NOL4: variants seen among roughly 807,000 people sequenced by gnomAD.
NOL4 encodes cancer/testis antigen 125.
A neutral mutation model predicts 75.9 loss-of-function variants in NOL4; 17 were observed. The ratio of observed to expected loss-of-function variants is 0.22; its 90% CI spans 0.15 to 0.34. The LOEUF (loss-of-function observed/expected upper bound fraction) is 0.34, where lower values mean the gene tolerates loss of function less well. Among genes scored for constraint, NOL4 ranks in the 10% least tolerant of loss-of-function variants. The pLI, the probability that NOL4 is intolerant of heterozygous loss-of-function variation, is 1.00. For synonymous variants in NOL4, 292 were observed against 289.9 expected, an observed-to-expected ratio of 1.01 and a Z score of -0.07; for missense variants, 614 against 793.5, an observed-to-expected ratio of 0.77 and a Z score of 2.72.
intron 5 of NOL4, among the ~76,000 whole-genome samples, chr18:34,084,203 G>A (rs959988051): frequency 1.1e-4 from 16 of 152,134 alleles, no homozygotes; most frequent in Admixed American, 8.5e-4. Context: ...TGGAGCGGGT[G>A]TGCTGGGCTG....
intron 6 of NOL4, among the ~76,000 whole-genome samples, chr18:33,970,951 A>G (rs1170209024): frequency 6.6e-6 from 1 of 152,120 alleles, no homozygotes; most frequent in Admixed American, 6.5e-5. Flanking sequence ...ATTCAGATAA[A>G]GTCTTTTGTG....
At chr18:33,996,054 T>A (rs553878674) in intron 6 of NOL4, among the ~76,000 whole-genome samples, 2 of 151,398 alleles carry the variant, frequency 1.3e-5, no homozygotes, top group East Asian at 1.9e-4. Context: ...CTTCAGCTAA[T>A]ATCATACTTA....
chr18:34,128,276 G>A (rs1600676853), intron 2 of NOL4, among the ~76,000 whole-genome samples: 3 of 151,912 alleles, frequency 2.0e-5, no homozygotes, highest in Admixed American at 1.3e-4. Context: ...TATTGACAAC[G>A]AAACCACTTG....
At chr18:33,897,399 G>A (rs920983813) in intron 9 of NOL4, among the ~76,000 whole-genome samples, 1 of 152,162 alleles carries the variant, frequency 6.6e-6, no homozygotes, top group African/African-American at 2.4e-5. Context: ...TTAAGAAAAT[G>A]TGGTATATAT....
chr18:34,082,837 C>G (rs906335729), intron 5 of NOL4, among the ~76,000 whole-genome samples: 1 of 152,164 alleles, frequency 6.6e-6, no homozygotes, highest in African/African-American at 2.4e-5. Context: ...AACATTGTTA[C>G]ACCATAACAA....
At chr18:33,991,207 C>T (rs937986592) in intron 6 of NOL4, among the ~76,000 whole-genome samples, 3 of 152,030 alleles carry the variant, frequency 2.0e-5, no homozygotes, top group Non-Finnish European at 4.4e-5. Flanking sequence ...CATCTGTTCT[C>T]TATCAGTCTG....
intron 10 of NOL4, among the ~76,000 whole-genome samples, chr18:33,873,999 T>G (rs1055357371): frequency 6.6e-6 from 1 of 151,898 alleles, no homozygotes; most frequent in Non-Finnish European, 1.5e-5. Flanking sequence ...GGTAATAGTA[T>G]GCACGGGGAT....
rs1212241178 is a variant in NOL4 at position 34,221,958 on chromosome 18, G to A, written c.264+1032C>T. On this transcript the variant is annotated intron_variant, in intron 1 of 10. Coordinates refer to ENST00000261592, the MANE Select transcript of NOL4 (RefSeq NM_003787.5). ...AGAAATGCTCAAGAAACCCCAAAGC[G>A]AGGCAAAAATACAAAGGATGCCAGA... The A allele has an allele frequency of 6.4e-6, 9 of 1,402,334 alleles. No homozygotes were observed. In the East Asian group the frequency reaches 1.3e-4, roughly 20 times the overall value. The allele number at this position is 1,402,334 out of a possible 1,614,324, so 86.9% of individuals were successfully genotyped here.
chr18:34,115,902 A>T (rs1600644375), intron 2 of NOL4, among the ~76,000 whole-genome samples: 1 of 152,026 alleles, frequency 6.6e-6, no homozygotes, highest in Admixed American at 6.6e-5. Context: ...GGAGTGGGGG[A>T]ATTTGGCACA....
intron 1 of NOL4, among the ~76,000 whole-genome samples, chr18:34,187,430 T>G (rs1281779098): frequency 7.0e-6 from 1 of 142,338 alleles, no homozygotes; most frequent in African/African-American, 2.8e-5. Flanking sequence ...CAGGCTGGAG[T>G]GCAGTGGCGC....
chr18:34,099,362 C>CCAAAAAAAAAAAAAAAAAAAAA (rs2078935414), intron 4 of NOL4, among the ~76,000 whole-genome samples: 1 of 80,092 alleles, frequency 1.2e-5, no homozygotes, highest in Non-Finnish European at 2.4e-5. Context: ...GACTTTGTCT[C>CCAAAAAAAAAAAAAAAAAAAAA]AAAAAAAAAA....
intron 1 of NOL4, among the ~76,000 whole-genome samples, chr18:34,182,151 A>T (rs1018164912): frequency 2.6e-5 from 4 of 151,688 alleles, no homozygotes; most frequent in African/African-American, 9.7e-5. Flanking sequence ...AAAAATGGAA[A>T]CAACTCAAAC....
At chr18:34,095,754 G>C (rs1273203210) in intron 4 of NOL4, among the ~76,000 whole-genome samples, 2 of 151,970 alleles carry the variant, frequency 1.3e-5, no homozygotes, top group Admixed American at 6.6e-5. Context: ...ATTTATTACA[G>C]TATATGAACA....
At chr18:34,113,211 C>T (rs920222826) in intron 2 of NOL4, among the ~76,000 whole-genome samples, 1 of 152,138 alleles carries the variant, frequency 6.6e-6, no homozygotes, top group Non-Finnish European at 1.5e-5. Flanking sequence ...AACTCCTAGC[C>T]TCCAGCAATC....
At chr18:34,019,032 A>G (rs1355651980) in intron 6 of NOL4, among the ~76,000 whole-genome samples, 1 of 152,134 alleles carries the variant, frequency 6.6e-6, no homozygotes, top group Non-Finnish European at 1.5e-5. Flanking sequence ...ACAAATTCCC[A>G]GAGAGATTCA....
At chr18:34,219,706 A>G (rs776293955) in intron 1 of NOL4, among the ~76,000 whole-genome samples, 3 of 152,238 alleles carry the variant, frequency 2.0e-5, no homozygotes, top group Non-Finnish European at 1.5e-5. Flanking sequence ...ATTCTTCTAA[A>G]TTTCTGACAC....
chr18:34,120,005 G>T (rs1048738726), intron 2 of NOL4, among the ~76,000 whole-genome samples: 1 of 152,140 alleles, frequency 6.6e-6, no homozygotes, highest in African/African-American at 2.4e-5. Flanking sequence ...TACAATATTG[G>T]AGCCAAACGT....
At chr18:34,021,577 T>C (rs139771169) in intron 5 of NOL4, among the ~76,000 whole-genome samples, 155 of 152,316 alleles carry the variant, frequency 1.0e-3, no homozygotes, top group African/African-American at 3.6e-3. Flanking sequence ...GAAAAAGTTA[T>C]ATTTCAAATA....
In NOL4 at chr18:34,104,035, T is replaced by C; in HGVS notation, c.639+12A>G. On this transcript the variant is annotated intron_variant, in intron 4 of 10. Transcript: ENST00000261592. ...TTTGTAAGTAATACAAATGTAGATG[T>C]TTTTATTTTACCTCATCTTGCTGTG... The C allele has an allele frequency of 4.4e-6, 7 of 1,573,952 alleles. No homozygotes were observed. Among genetic ancestry groups the C allele is most frequent in the Non-Finnish European group, 6.1e-6 (7 of 1,144,262 alleles).
Sources: allele counts gnomAD v4.1 joint callset (sites outside exome capture counted in the v4.1 genomes callset), GRCh38; gene constraint gnomAD v4.1.1; transcripts MANE v1.5; gene names NCBI Gene and HGNC (gene_info 2026-07-23, HGNC 2026-07-21).